Variants in CIAO3 observed in about 807,000 individuals in gnomAD.
The protein encoded by CIAO3 is LET1 like/JFP15.
Under a neutral mutation model 51.5 loss-of-function variants are expected in CIAO3, and 45 were observed. That is an observed-to-expected ratio of 0.87 (90% confidence interval 0.69 to 1.12). The LOEUF is 1.12. Ranked by LOEUF, CIAO3 falls within the 50% of genes most tolerant of loss-of-function variation. The pLI, the probability that CIAO3 is intolerant of heterozygous loss-of-function variation, is 0.00. For missense variants in CIAO3, 668 were observed against 632.5 expected (o/e 1.06, Z -0.60); for synonymous variants, 314 against 269.3 (o/e 1.17, Z -1.63).
chr16:734,357 CAG>C lies in CIAO3; in HGVS notation c.575-12_575-11del, dbSNP rs558522478. ...GCATAGCAGATCCAGCCTGAGGTGA[CAG>C]GGGGCACACGGGGCTGGCGGGGGCG... On this transcript the variant is annotated splice_polypyrimidine_tract_variant and intron_variant, in intron 5 of 10. Coordinates refer to ENST00000251588, the MANE Select transcript of CIAO3 (RefSeq NM_022493.3). 1.7e-4 allele frequency: 277 copies of C among 1,600,198 alleles called. 1 individual carries two copies. Among genetic ancestry groups the C allele is most frequent in the South Asian group, 1.1e-3 (97 of 90,808 alleles).
At position 737,062 on chromosome 16, in the gene CIAO3, AAAGGCAG is replaced by A. The variant is rs1471857583; in HGVS notation, c.306+117_306+123del. 4 of 1,285,176 alleles carry A rather than the reference AAAGGCAG, an allele frequency of 3.1e-6. No individual in the cohort carries two copies. The highest frequency in any genetic ancestry group is 4.4e-6 in the Non-Finnish European group (4 of 911,380). The allele number at this position is 1,285,176 out of a possible 1,614,324, so 79.6% of individuals were successfully genotyped here. A position where few individuals can be genotyped will look rare whatever the true frequency, so the allele number is the denominator to read the frequency against. On this transcript the variant is annotated intron_variant, in intron 3 of 10. Coordinates refer to ENST00000251588, the MANE Select transcript of CIAO3 (RefSeq NM_022493.3). This position sits in a 1 kb window ranked among gnomAD's most constrained non-coding sequence, Gnocchi z 5.3. The stretch of plus-strand genomic sequence containing the variant: ...AAATCACCAAGATTCCAAGCCTCAA[AAAGGCAG>A]GCGCCACCCGCACGACGGACGTCGG...
chr16:735,123 A>G lies in CIAO3; in HGVS notation c.440-252T>C, dbSNP rs572614108. 17 of 464,226 alleles carry G rather than the reference A, an allele frequency of 3.7e-5. No homozygotes were observed. In the East Asian group the frequency reaches 5.6e-4, roughly 15 times the overall value. 28.8% of individuals were successfully genotyped at this position (464,226 alleles called of 1,614,324 possible). A position where few individuals can be genotyped will look rare whatever the true frequency, so the allele number is the denominator to read the frequency against. ...CCCAGGCCTTGGTTTCCCACCCCAGAGGCAGCCACCCAGCAGCTCAGTCCT... is the reference window on the plus strand; with the variant it reads ...CCCAGGCCTTGGTTTCCCACCCCAGGGGCAGCCACCCAGCAGCTCAGTCCT... On this transcript the variant is annotated intron_variant, in intron 4 of 10. Coordinates refer to ENST00000251588, the MANE Select transcript of CIAO3 (RefSeq NM_022493.3).
chr16:736,808 C>T (rs1051148299), intron 3 of CIAO3, among the ~76,000 whole-genome samples: 1 of 152,164 alleles, frequency 6.6e-6, no homozygotes, highest in Non-Finnish European at 1.5e-5. Flanking sequence ...GGATTACAGG[C>T]ATGTGCCACC....
rs1395677032 is a variant in CIAO3, at chr16:731,488, C to T, written c.1034+77G>A. ...CCCAGCCCACCTCTGTGGGAGGACC[C>T]CAGGGGAGGCAGCAGCCCGAGGAAG... On this transcript the variant is annotated intron_variant, in intron 9 of 10. Coordinates refer to ENST00000251588, the MANE Select transcript of CIAO3 (RefSeq NM_022493.3). 2.1e-6 allele frequency: 3 copies of T among 1,460,448 alleles called. No homozygotes were observed. The African/African-American group carries it at 4.2e-5, about 20-fold the overall frequency. The allele number at this position is 1,460,448 out of a possible 1,614,324, so 90.5% of individuals were successfully genotyped here.
chr16:733,132 C>G, intron 7 of CIAO3, 166 bp downstream of exon 7: 2 of 843,770 alleles, frequency 2.4e-6, no homozygotes, highest in Non-Finnish European at 3.6e-6. Flanking sequence ...GCAAATGGGC[C>G]CACCTGGCTC....
rs1361163072 is a variant in CIAO3, at chr16:737,170, G to A, written c.306+16C>T. 4.3e-6 allele frequency: 7 copies of A among 1,613,414 alleles called. No homozygotes were observed. Among genetic ancestry groups the A allele is most frequent in the South Asian group, 2.2e-5 (2 of 91,080 alleles). ...TTTCAGGTTAAAGCAGAGTCACCAGGCCGACCACTGCTTACCTTGTTAGCA... is the reference window on the plus strand; with the variant it reads ...TTTCAGGTTAAAGCAGAGTCACCAGACCGACCACTGCTTACCTTGTTAGCA... On this transcript the variant is annotated intron_variant, in intron 3 of 10. Transcript: ENST00000251588. This position sits in a 1 kb window ranked among gnomAD's most constrained non-coding sequence, Gnocchi z 5.3.
rs1215300361 is a variant in CIAO3 at position 737,352 on chromosome 16, G to GC, written c.163-24dup. On this transcript the variant is annotated intron_variant, in intron 2 of 10. Transcript: ENST00000251588. The surrounding 1 kb of genome is among the most constrained non-coding windows in gnomAD (Gnocchi z 5.3). The stretch of plus-strand genomic sequence containing the variant: ...GTCCTACAAGGGAGAAGAACCCGGT[G>GC]CACAGGGGCCCCCTCTGCACGAGGA... 9 of 1,611,998 alleles carry GC rather than the reference G, an allele frequency of 5.6e-6. No individual in the cohort carries two copies. Among genetic ancestry groups the GC allele is most frequent in the Non-Finnish European group, 7.6e-6 (9 of 1,179,666 alleles).
chr16:736,240 A>T, intron 4 of CIAO3, 26 bp downstream of exon 4: 1 of 1,611,794 alleles, frequency 6.2e-7, no homozygotes, highest in Non-Finnish European at 8.5e-7. Context: ...TTGGAGCGGC[A>T]GTGTTACCCC....
chr16:736,242 T>C lies in CIAO3; in HGVS notation c.439+24A>G, dbSNP rs758959025. ...ACGCCCCCTTGATTTGGAGCGGCAG[T>C]GTTACCCCAGGTTCAAAGCCTACCT... On this transcript the variant is annotated intron_variant, in intron 4 of 10. Transcript: ENST00000251588. 82 of 1,611,906 alleles carry C rather than the reference T, an allele frequency of 5.1e-5. 1 individual carries two copies. The highest frequency in any genetic ancestry group is 6.7e-5 in the Non-Finnish European group (79 of 1,179,408).
At chr16:738,207 C>T (rs1042207899) in intron 2 of CIAO3, 16 of 993,890 alleles carry the variant, frequency 1.6e-5, no homozygotes, top group South Asian at 8.9e-5. Context: ...TACCAGCACC[C>T]CAGCACCTTC....
At position 737,845 on chromosome 16, in the gene CIAO3, G is replaced by A. The variant is rs374368092; in HGVS notation, c.163-516C>T. 36 of 1,184,544 alleles carry A rather than the reference G, an allele frequency of 3.0e-5. No homozygotes were observed. In the East Asian group the frequency reaches 1.0e-3, roughly 33 times the overall value. 73.4% of individuals were successfully genotyped at this position (1,184,544 alleles called of 1,614,324 possible). On this transcript the variant is annotated intron_variant, in intron 2 of 10. Transcript: ENST00000251588. This position sits in a 1 kb window ranked among gnomAD's most constrained non-coding sequence, Gnocchi z 5.3. ...ACTCGCCAAACAGATGCAGGAACAA[G>A]GTGTTCCAGTCGGGGGCCTCCGGGA...
intron 7 of CIAO3, 194 bp downstream of exon 7, chr16:733,104 C>A (rs1200651637): frequency 3.1e-6 from 2 of 646,046 alleles, no homozygotes; most frequent in Non-Finnish European, 2.6e-6. Context: ...GGCTGCAGGT[C>A]CCCAAGACAG....
intron 2 of CIAO3, chr16:738,161 C>T: frequency 1.0e-6 from 1 of 1,000,950 alleles, no homozygotes; most frequent in Non-Finnish European, 1.2e-6. Flanking sequence ...TGACAGGCTC[C>T]TCCAAACCAA....
chr16:737,011 C>A lies in CIAO3; in HGVS notation c.306+175G>T. 1 of 758,108 alleles carries A rather than the reference C, an allele frequency of 1.3e-6. No individual in the cohort carries two copies. Among genetic ancestry groups the A allele is most frequent in the Non-Finnish European group, 2.1e-6 (1 of 469,502 alleles). 47.0% of individuals were successfully genotyped at this position (758,108 alleles called of 1,614,324 possible). On this transcript the variant is annotated intron_variant, in intron 3 of 10. Transcript: ENST00000251588. This position sits in a 1 kb window ranked among gnomAD's most constrained non-coding sequence, Gnocchi z 5.3. ...TTAGAACCTGAAGTTTGGGGCCTGA[C>A]ACGTTCACCACTGGAGCCCACTGAC...
intron 4 of CIAO3, 197 bp from the exon 5 acceptor site, chr16:735,068 A>C: frequency 4.6e-6 from 3 of 652,958 alleles, no homozygotes; most frequent in South Asian, 2.9e-5. Context: ...GGACCTCCTA[A>C]AGCCACGTTG....
chr16:740,329 G>A (rs2041378692), intron 1 of CIAO3: 1 of 352,896 alleles, frequency 2.8e-6, no homozygotes, highest in South Asian at 2.1e-5. Flanking sequence ...CGGGTTCAAG[G>A]GTAGCTGTCC....
intron 2 of CIAO3, chr16:738,066 C>T: frequency 9.5e-7 from 1 of 1,052,526 alleles, no homozygotes; most frequent in Non-Finnish European, 1.1e-6. Flanking sequence ...GCCTGTGTAT[C>T]ACAATCTGAG....
intron 1 of CIAO3, 134 bp downstream of exon 1, chr16:740,786 C>G: frequency 1.1e-6 from 1 of 890,222 alleles, no homozygotes; most frequent in Non-Finnish European, 1.7e-6. Context: ...TCGATAGAGT[C>G]CCTGACGGCC....
intron 7 of CIAO3, 120 bp from the exon 8 acceptor site, chr16:732,493 T>C: frequency 1.7e-6 from 2 of 1,157,446 alleles, no homozygotes; most frequent in South Asian, 2.5e-5. Context: ...GCCCCAAATG[T>C]CCACCCTAGC....
Sources: gnomAD v4.1 joint callset for allele counts (sites outside exome capture counted in the v4.1 genomes callset) on GRCh38, gnomAD v4.1.1 for gene constraint, Gnocchi (gnomAD v3.1) non-coding constraint, MANE v1.5 for transcripts, NCBI Gene and HGNC (gene_info 2026-07-23, HGNC 2026-07-21) for gene names.